TMEM108: variants seen among roughly 807,000 people sequenced by gnomAD.
TMEM108 encodes the protein transmembrane protein 108.
A neutral mutation model predicts 35.1 loss-of-function variants in TMEM108; 12 were observed. The ratio of observed to expected loss-of-function variants is 0.34; its 90% confidence interval spans 0.22 to 0.55. TMEM108 has a LOEUF of 0.55. TMEM108 is among the 20% of genes least tolerant of loss of function. TMEM108 has a pLI of 0.89. For synonymous variants in TMEM108, 287 were observed against 308.6 expected, an observed-to-expected ratio of 0.93 and a Z score of 0.73; for missense variants, 680 against 753.3, an observed-to-expected ratio of 0.90 and a Z score of 1.14.
chr3:133,315,220 G>T (rs1292058259), intron 3 of TMEM108, among the ~76,000 whole-genome samples: 2 of 152,170 alleles, frequency 1.3e-5, no homozygotes, highest in Non-Finnish European at 2.9e-5. Flanking sequence ...CTGTTTTTAT[G>T]GTTGAAGAAG....
chr3:133,143,806 GC>G (rs1216958254), intron 2 of TMEM108, among the ~76,000 whole-genome samples: 1 of 152,056 alleles, frequency 6.6e-6, no homozygotes, highest in Non-Finnish European at 1.5e-5. Context: ...TGTCTCGCCA[GC>G]CCCAGCACAT....
At chr3:133,376,757 C>A (rs2072853921) in intron 3 of TMEM108, among the ~76,000 whole-genome samples, 1 of 152,148 alleles carries the variant, frequency 6.6e-6, no homozygotes, top group Non-Finnish European at 1.5e-5. Context: ...AATCTCAGAC[C>A]CCCACGGCTG....
intron 2 of TMEM108, among the ~76,000 whole-genome samples, chr3:133,135,824 T>A (rs1403128212): frequency 6.6e-6 from 1 of 152,162 alleles, no homozygotes; most frequent in African/African-American, 2.4e-5. Flanking sequence ...ACCAGCAAGC[T>A]TGAAAGCACA....
At chr3:133,244,957 A>AT (rs1161072075) in intron 3 of TMEM108, among the ~76,000 whole-genome samples, 1 of 152,122 alleles carries the variant, frequency 6.6e-6, no homozygotes, top group Non-Finnish European at 1.5e-5. Flanking sequence ...TGTAATTTTC[A>AT]TTTTTTTAAA....
At chr3:133,360,471 G>A (rs151172159) in intron 3 of TMEM108, among the ~76,000 whole-genome samples, 93 of 152,300 alleles carry the variant, frequency 6.1e-4, no homozygotes, top group African/African-American at 2.2e-3. Context: ...GATTGCAGAA[G>A]GTTACTGTCA....
chr3:133,086,967 T>C (rs1357120895), intron 2 of TMEM108, among the ~76,000 whole-genome samples: 1 of 152,318 alleles, frequency 6.6e-6, no homozygotes, highest in East Asian at 1.9e-4. Context: ...ACAAATCCTA[T>C]ACTTGTCCCA....
chr3:133,316,378 A>C (rs766443693), intron 3 of TMEM108, among the ~76,000 whole-genome samples: 3 of 152,188 alleles, frequency 2.0e-5, no homozygotes, highest in Non-Finnish European at 2.9e-5. Context: ...CTTTAAAAGA[A>C]AGTTGGTACC....
chr3:133,164,528 T>C (rs1945008656), intron 2 of TMEM108, among the ~76,000 whole-genome samples: 1 of 152,180 alleles, frequency 6.6e-6, no homozygotes, highest in South Asian at 2.1e-4. Context: ...GTAGTGAGAA[T>C]CTTAGGTTTG....
chr3:133,112,328 CT>C (rs997033246), intron 2 of TMEM108, among the ~76,000 whole-genome samples: 1 of 152,150 alleles, frequency 6.6e-6, no homozygotes, highest in African/African-American at 2.4e-5. Flanking sequence ...CCCCTATCTT[CT>C]TCCTAGTTAG....
In TMEM108 at chr3:133,073,510, C is replaced by CTA. The variant is rs1183039173; in HGVS notation, c.-47+27514_-47+27515dup. Among the ~76,000 whole-genome samples the CTA allele has an allele frequency of 7.2e-3, 314 of 43,864 alleles. 5 individuals are homozygous for CTA. The highest frequency in any genetic ancestry group is 0.031 in the Middle Eastern group (2 of 64). The allele number at this position is 43,864 out of a possible 152,430, so 28.8% of individuals were successfully genotyped here. On this transcript the variant is annotated intron_variant, in intron 2 of 5. Coordinates refer to ENST00000321871, the MANE Select transcript of TMEM108 (RefSeq NM_023943.4). ...TCTCTCTCTCTCTCTCTCTCTCTCT[C>CTA]TATATATATATATATATATATATAT...
Position 133,397,545 on chromosome 3 carries a change from C to G in TMEM108, c.*1559C>G, listed in dbSNP as rs2073323108. On this transcript the variant is annotated 3_prime_UTR_variant, in exon 6 of 6. Coordinates refer to ENST00000321871, the MANE Select transcript of TMEM108 (RefSeq NM_023943.4). The stretch of plus-strand genomic sequence containing the variant: ...GTTTAATTTTCTAGCGTGTTGTTGT[C>G]TTACCTTTTTAACCTTACCATAATA... 6.6e-6 allele frequency: 1 copy of G among 152,108 alleles called. No homozygotes were observed. The highest frequency in any genetic ancestry group is 6.5e-5 in the Admixed American group (1 of 15,274). The allele number at this position is 152,108 out of a possible 1,614,324, so 9.4% of individuals were successfully genotyped here. A position where few individuals can be genotyped will look rare whatever the true frequency, so the allele number is the denominator to read the frequency against.
At chr3:133,313,035 T>G (rs2071153699) in intron 3 of TMEM108, among the ~76,000 whole-genome samples, 1 of 152,166 alleles carries the variant, frequency 6.6e-6, no homozygotes, top group Admixed American at 6.5e-5. Context: ...TTATAACATA[T>G]TTTCTTCCTG....
intron 2 of TMEM108, among the ~76,000 whole-genome samples, chr3:133,154,678 A>T (rs13317283): frequency 2.0e-5 from 3 of 151,484 alleles, no homozygotes; most frequent in Non-Finnish European, 4.4e-5. Flanking sequence ...ACATGGACAC[A>T]GGAAGGGGAA....
intron 3 of TMEM108, among the ~76,000 whole-genome samples, chr3:133,276,922 A>G (rs1334436161): frequency 6.6e-6 from 1 of 152,142 alleles, no homozygotes; most frequent in Non-Finnish European, 1.5e-5. Flanking sequence ...GGCAAATTTG[A>G]CAGACTATGG....
In TMEM108 at chr3:133,346,413, A is replaced by G. The variant is rs1373793057; in HGVS notation, c.41-33339A>G. 1.3e-5 allele frequency among the ~76,000 whole-genome samples: 2 copies of G among 152,036 alleles called. No individual in the cohort carries two copies. Among genetic ancestry groups the G allele is most frequent in the African/African-American group, 4.8e-5 (2 of 41,442 alleles). On this transcript the variant is annotated intron_variant, in intron 3 of 5. Coordinates refer to ENST00000321871, the MANE Select transcript of TMEM108 (RefSeq NM_023943.4). This position sits in a 1 kb window ranked among gnomAD's most constrained non-coding sequence, Gnocchi z 4.0. The stretch of plus-strand genomic sequence containing the variant: ...TTTTAATTGACAGTTCTCTAATGAC[A>G]TATGACATTGAACATCTTTTCATAT...
At chr3:133,224,706 C>T (rs565313764) in intron 2 of TMEM108, among the ~76,000 whole-genome samples, 11 of 152,200 alleles carry the variant, frequency 7.2e-5, no homozygotes, top group African/African-American at 1.9e-4. Context: ...CCGTGTGGAA[C>T]GTGAGTCCAT....
chr3:133,117,051 T>G (rs1163036187), intron 2 of TMEM108, among the ~76,000 whole-genome samples: 1 of 152,256 alleles, frequency 6.6e-6, no homozygotes, highest in Non-Finnish European at 1.5e-5. Context: ...ATTACAGGTA[T>G]GAGCTGCCGC....
At chr3:133,113,402 A>C (rs1944249510) in intron 2 of TMEM108, among the ~76,000 whole-genome samples, 1 of 152,160 alleles carries the variant, frequency 6.6e-6, no homozygotes, top group African/African-American at 2.4e-5. Flanking sequence ...AAGAATTGAC[A>C]AGTCAATCCT....
intron 2 of TMEM108, among the ~76,000 whole-genome samples, chr3:133,130,050 G>C (rs1463329387): frequency 2.0e-5 from 3 of 152,220 alleles, no homozygotes; most frequent in Admixed American, 2.0e-4. Context: ...AATCGGCATT[G>C]TTGGTGAGTG....
Sources: allele counts gnomAD v4.1 joint callset (sites outside exome capture counted in the v4.1 genomes callset), GRCh38; gene constraint gnomAD v4.1.1; non-coding constraint Gnocchi (gnomAD v3.1); transcripts MANE v1.5; gene names NCBI Gene and HGNC (gene_info 2026-07-23, HGNC 2026-07-21).